Variants in GALNT13 observed in about 807,000 individuals in gnomAD.
GALNT13 encodes polypeptide N-acetylgalactosaminyltransferase 13.
GALNT13 carries 28 observed loss-of-function variants against 64.2 expected under a neutral mutation model. The ratio of observed to expected loss-of-function variants is 0.44; its 90% CI spans 0.32 to 0.60. GALNT13 has a LOEUF of 0.60. GALNT13 is among the 20% of genes least tolerant of loss of function. The pLI, the probability that GALNT13 is intolerant of heterozygous loss-of-function variation, is 0.05. For missense variants in GALNT13, 577 were observed against 669.8 expected (o/e 0.86, Z 1.53); for synonymous variants, 214 against 224.6 (o/e 0.95, Z 0.42).
chr2:154,156,982 G>A (rs1684461167), intron 4 of GALNT13, among the ~76,000 whole-genome samples: 1 of 152,120 alleles, frequency 6.6e-6, no homozygotes, highest in Non-Finnish European at 1.5e-5. Context: ...CTTGTCTTAA[G>A]TTAAATACTT....
the GALNT13 span, among the ~76,000 whole-genome samples, chr2:153,533,680 T>G: frequency 6.8e-6 from 1 of 147,876 alleles, no homozygotes; most frequent in African/African-American, 2.5e-5. Flanking sequence ...TATGTTGCAT[T>G]TTTCATAGAT....
chr2:154,276,109 A>G (rs1409868186), intron 8 of GALNT13, among the ~76,000 whole-genome samples: 1 of 152,156 alleles, frequency 6.6e-6, no homozygotes, highest in Non-Finnish European at 1.5e-5. Context: ...TTTTGATTTT[A>G]CAGGCTCATA....
At chr2:153,722,058 T>G in the GALNT13 span, among the ~76,000 whole-genome samples, 2 of 149,648 alleles carry the variant, frequency 1.3e-5, no homozygotes, top group African/African-American at 2.5e-5. Flanking sequence ...TAGTTGGAAG[T>G]AAAGCTCTCC....
chr2:153,528,544 CTCTA>C, the GALNT13 span, among the ~76,000 whole-genome samples: 7 of 151,938 alleles, frequency 4.6e-5, no homozygotes, highest in Non-Finnish European at 1.0e-4. Flanking sequence ...AAACATTGGA[CTCTA>C]TCTGTACTGT....
chr2:153,692,783 T>C, the GALNT13 span, among the ~76,000 whole-genome samples: 1 of 152,172 alleles, frequency 6.6e-6, no homozygotes, highest in Admixed American at 6.5e-5. Context: ...TATTATCCAC[T>C]ATATTGATGT....
chr2:153,829,333 T>C, the GALNT13 span, among the ~76,000 whole-genome samples: 2 of 152,158 alleles, frequency 1.3e-5, no homozygotes, highest in Non-Finnish European at 2.9e-5. Context: ...AGAGGTTTAA[T>C]GGACTTACAG....
At chr2:154,404,673 T>G (rs999946968) in intron 10 of GALNT13, among the ~76,000 whole-genome samples, 10 of 152,122 alleles carry the variant, frequency 6.6e-5, no homozygotes, top group African/African-American at 2.4e-4. Flanking sequence ...CTGAACAGTC[T>G]GCAGTCTGTG....
At chr2:153,901,309 G>T (rs1044551001) in intron 2 of GALNT13, among the ~76,000 whole-genome samples, 9 of 152,012 alleles carry the variant, frequency 5.9e-5, no homozygotes, top group Non-Finnish European at 1.2e-4. Context: ...GGCTATTTTG[G>T]CTCTTTTTGG....
intron 11 of GALNT13, among the ~76,000 whole-genome samples, chr2:154,423,201 G>A (rs1346568638): frequency 6.6e-6 from 1 of 151,760 alleles, no homozygotes; most frequent in Non-Finnish European, 1.5e-5. Context: ...TGAAAATGAT[G>A]GTTTCCAGCT....
At chr2:153,856,366 G>A in the GALNT13 span, among the ~76,000 whole-genome samples, 2 of 152,060 alleles carry the variant, frequency 1.3e-5, no homozygotes, top group African/African-American at 4.8e-5. Flanking sequence ...TAAAATACAA[G>A]ACCCAGAGTG....
intron 1 of GALNT13, among the ~76,000 whole-genome samples, chr2:153,873,300 A>G (rs1686119429): frequency 6.6e-6 from 1 of 152,208 alleles, no homozygotes; most frequent in Non-Finnish European, 1.5e-5. Flanking sequence ...GCACCGCAGC[A>G]GGCTCCCCTT....
the GALNT13 span, among the ~76,000 whole-genome samples, chr2:153,845,589 T>G: frequency 6.6e-6 from 1 of 152,152 alleles, no homozygotes; most frequent in East Asian, 1.9e-4. Flanking sequence ...AACATGAGAT[T>G]TGGACGGGGA....
At chr2:153,582,022 G>A in the GALNT13 span, among the ~76,000 whole-genome samples, 1 of 152,130 alleles carries the variant, frequency 6.6e-6, no homozygotes, top group Non-Finnish European at 1.5e-5. Context: ...AGGCAAAGCA[G>A]AGATTCAAGG....
At chr2:153,603,678 T>C in the GALNT13 span, among the ~76,000 whole-genome samples, 1 of 152,006 alleles carries the variant, frequency 6.6e-6, no homozygotes. Flanking sequence ...ATGTGTCTTT[T>C]GTTATATTTT....
intron 2 of GALNT13, among the ~76,000 whole-genome samples, chr2:153,917,721 T>C (rs997669412): frequency 6.6e-6 from 1 of 152,012 alleles, no homozygotes; most frequent in African/African-American, 2.4e-5. Context: ...CACAGGCTGG[T>C]GAGTATTCTA....
chr2:153,714,118 C>T, the GALNT13 span, among the ~76,000 whole-genome samples: 4 of 152,276 alleles, frequency 2.6e-5, no homozygotes, highest in African/African-American at 4.8e-5. Context: ...TCCTATATCA[C>T]GGTGAGTTCT....
At chr2:153,652,392 G>A in the GALNT13 span, among the ~76,000 whole-genome samples, 2 of 152,058 alleles carry the variant, frequency 1.3e-5, no homozygotes, top group Non-Finnish European at 2.9e-5. Context: ...AGACTGAGGC[G>A]GGAGGATCAC....
At chr2:154,174,579 C>T (rs1685545075) in intron 4 of GALNT13, among the ~76,000 whole-genome samples, 2 of 152,074 alleles carry the variant, frequency 1.3e-5, no homozygotes, top group Non-Finnish European at 2.9e-5. Flanking sequence ...ATAATCCTTT[C>T]TAGTCAAAGA....
intron 3 of GALNT13, among the ~76,000 whole-genome samples, chr2:154,065,432 G>A (rs1196761329): frequency 6.6e-6 from 1 of 152,150 alleles, no homozygotes; most frequent in East Asian, 1.9e-4. Flanking sequence ...GAGATCCAGT[G>A]CTGTCCTGAC....
Sources: gnomAD v4.1 joint callset for allele counts (sites outside exome capture counted in the v4.1 genomes callset) on GRCh38, gnomAD v4.1.1 for gene constraint, MANE v1.5 for transcripts, NCBI Gene and HGNC (gene_info 2026-07-23, HGNC 2026-07-21) for gene names.